CDH18: variants seen among roughly 807,000 people sequenced by gnomAD.
CDH18 encodes cadherin-18.
A neutral mutation model predicts 67.9 loss-of-function variants in CDH18; 31 were observed. The ratio of observed to expected loss-of-function variants is 0.46; its 90% CI spans 0.34 to 0.62. The LOEUF is 0.62. Among genes scored for constraint, CDH18 ranks in the 20% least tolerant of loss-of-function variants. CDH18 has a pLI of 0.01. For synonymous variants in CDH18, 362 were observed against 347.2 expected, an observed-to-expected ratio of 1.04 and a Z score of -0.48; for missense variants, 890 against 975.5, an observed-to-expected ratio of 0.91 and a Z score of 1.17.
chr5:19,958,463 T>C (rs1438777842), intron 2 of CDH18, among the ~76,000 whole-genome samples: 2 of 150,844 alleles, frequency 1.3e-5, no homozygotes, highest in Non-Finnish European at 2.9e-5. Context: ...AAGGTCATTA[T>C]GAACTGCCAT....
At chr5:20,353,291 A>C (rs1741354028) in intron 1 of CDH18, among the ~76,000 whole-genome samples, 1 of 152,212 alleles carries the variant, frequency 6.6e-6, no homozygotes, top group Non-Finnish European at 1.5e-5. Flanking sequence ...GTTTGCATAC[A>C]TGCGCTTGCC....
chr5:19,511,300 C>A (rs2126828612), intron 10 of CDH18, among the ~76,000 whole-genome samples: 1 of 144,576 alleles, frequency 6.9e-6, no homozygotes, highest in East Asian at 2.0e-4. Flanking sequence ...ATGTCTCAAG[C>A]AGTTCTTAAT....
At chr5:20,484,371 G>C (rs1001789012) in intron 1 of CDH18, among the ~76,000 whole-genome samples, 1 of 151,908 alleles carries the variant, frequency 6.6e-6, no homozygotes, top group African/African-American at 2.4e-5. Flanking sequence ...CATTTTAGAG[G>C]CTCTTCAAAG....
chr5:19,832,721 G>A (rs1032190114), intron 3 of CDH18, among the ~76,000 whole-genome samples: 2 of 152,136 alleles, frequency 1.3e-5, no homozygotes, highest in Middle Eastern at 3.4e-3. Context: ...GTAAGGAAGG[G>A]GTCCGGTTTC....
At chr5:20,187,925 T>A (rs1410145997) in intron 2 of CDH18, among the ~76,000 whole-genome samples, 2 of 151,876 alleles carry the variant, frequency 1.3e-5, no homozygotes, top group Non-Finnish European at 2.9e-5. Context: ...AAATATATAT[T>A]AAAATTAGAA....
chr5:20,562,593 T>C (rs549932730), intron 1 of CDH18, among the ~76,000 whole-genome samples: 1 of 151,836 alleles, frequency 6.6e-6, no homozygotes, highest in South Asian at 2.1e-4. Flanking sequence ...ATATATCTTA[T>C]AATTATTATT....
At chr5:19,946,380 A>G (rs546020421) in intron 2 of CDH18, among the ~76,000 whole-genome samples, 65 of 152,224 alleles carry the variant, frequency 4.3e-4, no homozygotes, top group African/African-American at 1.5e-3. Flanking sequence ...CAAAAATAAT[A>G]TGTTAATAGA....
chr5:19,777,475 G>A (rs747491035), intron 3 of CDH18, among the ~76,000 whole-genome samples: 4 of 152,136 alleles, frequency 2.6e-5, no homozygotes, highest in Non-Finnish European at 5.9e-5. Context: ...AAAGCAAACT[G>A]TCTAAATAAC....
chr5:20,320,423 G>A (rs1234908662), intron 1 of CDH18, among the ~76,000 whole-genome samples: 2 of 151,808 alleles, frequency 1.3e-5, no homozygotes, highest in Non-Finnish European at 2.9e-5. Flanking sequence ...GGATGAGCTG[G>A]GCAGTCAGAA....
chr5:19,637,708 G>T (rs746807645), intron 5 of CDH18, among the ~76,000 whole-genome samples: 6 of 152,124 alleles, frequency 3.9e-5, no homozygotes, highest in Non-Finnish European at 8.8e-5. Flanking sequence ...CCTGCCTGTA[G>T]CAAGAAACTT....
At chr5:19,721,976 C>A (rs1375255718) in intron 4 of CDH18, among the ~76,000 whole-genome samples, 1 of 152,166 alleles carries the variant, frequency 6.6e-6, no homozygotes, top group African/African-American at 2.4e-5. Flanking sequence ...TTCTGTCTTA[C>A]ACATTCTTTT....
intron 8 of CDH18, among the ~76,000 whole-genome samples, chr5:19,569,958 A>G (rs1475755193): frequency 6.6e-6 from 1 of 152,194 alleles, no homozygotes; most frequent in African/African-American, 2.4e-5. Context: ...ATAATTACAG[A>G]AATTATCATT....
rs1580350881 is a variant in CDH18 at position 19,586,789 on chromosome 5, C to T, written c.999+4268G>A. Among the ~76,000 whole-genome samples the T allele has an allele frequency of 3.9e-5, 6 of 152,254 alleles. 2 individuals carry two copies. The South Asian group carries it at 1.2e-3, about 32-fold the overall frequency. On this transcript the variant is annotated intron_variant, in intron 7 of 12. Transcript: ENST00000382275. ...GGTCTTTGAGGAATTGCCACACTGT[C>T]TTCCAGAACGGTTGAACTAATTTAC...
intron 3 of CDH18, among the ~76,000 whole-genome samples, chr5:19,800,375 G>T (rs1777328308): frequency 6.6e-6 from 1 of 152,144 alleles, no homozygotes; most frequent in African/African-American, 2.4e-5. Flanking sequence ...GAAAAAAAAT[G>T]TATGTAATTT....
intron 3 of CDH18, among the ~76,000 whole-genome samples, chr5:19,791,206 T>A (rs1328345974): frequency 4.6e-5 from 7 of 152,088 alleles, no homozygotes; most frequent in African/African-American, 1.7e-4. Context: ...AGAGTTGGCT[T>A]CCTCATTTGA....
intron 2 of CDH18, among the ~76,000 whole-genome samples, chr5:20,056,752 C>T (rs1376547244): frequency 3.0e-5 from 4 of 134,532 alleles, no homozygotes; most frequent in Non-Finnish European, 6.1e-5. Flanking sequence ...GGTGCGATCT[C>T]GGCTCACTGC....
intron 5 of CDH18, among the ~76,000 whole-genome samples, chr5:19,719,761 C>T (rs988114713): frequency 1.8e-4 from 27 of 151,544 alleles, no homozygotes; most frequent in African/African-American, 5.8e-4. Context: ...AATTATAATG[C>T]ATATAAGGAT....
At chr5:20,437,156 AT>A (rs71592814) in intron 1 of CDH18, among the ~76,000 whole-genome samples, 1 of 151,262 alleles carries the variant, frequency 6.6e-6, no homozygotes, top group African/African-American at 2.4e-5. Context: ...GGAAAAAAAA[AT>A]GATACAATGT....
intron 2 of CDH18, among the ~76,000 whole-genome samples, chr5:19,872,277 G>A (rs1786403876): frequency 6.6e-6 from 1 of 152,070 alleles, no homozygotes; most frequent in African/African-American, 2.4e-5. Context: ...ATAACCTTAG[G>A]GTATGTGAAC....
Sources: allele counts gnomAD v4.1 joint callset (sites outside exome capture counted in the v4.1 genomes callset), GRCh38; gene constraint gnomAD v4.1.1; transcripts MANE v1.5; gene names NCBI Gene and HGNC (gene_info 2026-07-23, HGNC 2026-07-21).